ANKMY1: variants seen among roughly 807,000 people sequenced by gnomAD.
ANKMY1 encodes ankyrin repeat and MYND domain containing 1, also known as ankyrin repeat and MYND domain-containing protein 1.
In ANKMY1, 98 loss-of-function variants were observed where a neutral mutation model predicts 102.0. That is an observed-to-expected ratio of 0.96 (90% CI 0.82 to 1.14). The LOEUF is 1.14. Among genes scored for constraint, ANKMY1 ranks in the 50% most tolerant of loss-of-function variants. The probability of loss-of-function intolerance (pLI) is 0.00; values close to 1 mark genes in which losing one functional copy is unlikely to be tolerated. For synonymous variants in ANKMY1, 582 were observed against 559.9 expected (o/e 1.04, Z -0.56); for missense variants, 1,330 against 1,347.6 (o/e 0.99, Z 0.20).
chr2:240,477,896 G>A (rs2074961490), downstream of ANKMY1, among the ~76,000 whole-genome samples: 1 of 152,200 alleles, frequency 6.6e-6, no homozygotes, highest in Non-Finnish European at 1.5e-5. Flanking sequence ...GTAGAGATCA[G>A]AAGGACACAC....
At chr2:240,511,367 T>G (rs1175204124) in intron 11 of ANKMY1, among the ~76,000 whole-genome samples, 1 of 152,246 alleles carries the variant, frequency 6.6e-6, no homozygotes, top group Non-Finnish European at 1.5e-5. Context: ...AGACTTGGCC[T>G]CAGTTTCCCC....
In ANKMY1 at chr2:240,520,708, CACA is replaced by C. The variant is rs943118908; in HGVS notation, c.1833-178_1833-176del. Among the ~76,000 whole-genome samples the C allele has an allele frequency of 1.2e-4, 18 of 151,700 alleles. No individual in the cohort carries two copies. Among genetic ancestry groups the C allele is most frequent in the African/African-American group, 3.4e-4 (14 of 41,372 alleles). ...ACACACGCAGACACACCACACAGCA[CACA>C]ACTACACACAAGCCACACCAGAGCG... On this transcript the variant is annotated intron_variant, in intron 8 of 17. Transcript: ENST00000401804. This position sits in a 1 kb window ranked among gnomAD's most constrained non-coding sequence, Gnocchi z 4.8.
Position 240,512,793 on chromosome 2 carries a change from G to A in ANKMY1, c.2145+9C>T. ...CCCCATACCCCTATCCAGGTCGCGA[G>A]GTACACACCTTGCCGGGCTTGTAAG... On this transcript the variant is annotated intron_variant, in intron 10 of 17. Transcript: ENST00000401804. The A allele has an allele frequency of 6.2e-7, 1 of 1,612,672 alleles. No homozygotes were observed. Among genetic ancestry groups the A allele is most frequent in the East Asian group, 2.2e-5 (1 of 44,826 alleles).
chr2:240,525,562 G>T, intron 7 of ANKMY1, 123 bp downstream of exon 7: 1 of 1,269,190 alleles, frequency 7.9e-7, no homozygotes, highest in Non-Finnish European at 1.1e-6. Context: ...CCCACTCCCT[G>T]CCTTATAACT....
chr2:240,485,724 C>T (rs1021248721), intron 15 of ANKMY1, among the ~76,000 whole-genome samples: 14 of 151,994 alleles, frequency 9.2e-5, no homozygotes, highest in African/African-American at 3.1e-4. Context: ...TGAGTAACTG[C>T]GACTACAGGC....
At chr2:240,486,335 T>G (rs1332106156) in intron 15 of ANKMY1, among the ~76,000 whole-genome samples, 1 of 152,158 alleles carries the variant, frequency 6.6e-6, no homozygotes, top group African/African-American at 2.4e-5. Flanking sequence ...AATATATAAA[T>G]TCAATGCATA....
chr2:240,520,338 G>GCGCC lies in ANKMY1; in HGVS notation c.2004+20_2004+23dup, dbSNP rs765288562. The GCGCC allele has an allele frequency of 1.1e-5, 17 of 1,515,634 alleles. No individual in the cohort carries two copies. The East Asian group carries it at 3.9e-4, about 35-fold the overall frequency. 93.9% of individuals were successfully genotyped at this position (1,515,634 alleles called of 1,614,324 possible). ...CCGGGAGTCTGCTGCGCTCGTCCCG[G>GCGCC]CGCCCGCCCGCCGCGGCTCCTACCT... On this transcript the variant is annotated intron_variant, in intron 9 of 17. Transcript: ENST00000401804. This position sits in a 1 kb window ranked among gnomAD's most constrained non-coding sequence, Gnocchi z 4.8.
intron 3 of ANKMY1, 133 bp downstream of exon 3, chr2:240,554,733 G>T: frequency 9.6e-7 from 1 of 1,038,934 alleles, no homozygotes; most frequent in Non-Finnish European, 1.4e-6. Flanking sequence ...CATTTCTCAA[G>T]GAGGAAAAAC....
chr2:240,474,043 G>T, the ANKMY1 span, among the ~76,000 whole-genome samples: 3 of 152,116 alleles, frequency 2.0e-5, no homozygotes, highest in African/African-American at 7.2e-5. Context: ...GAAATAAAAG[G>T]CATCCACATC....
At chr2:240,540,393 C>A (rs977032674) in intron 4 of ANKMY1, among the ~76,000 whole-genome samples, 4 of 152,200 alleles carry the variant, frequency 2.6e-5, no homozygotes, top group Non-Finnish European at 4.4e-5. Flanking sequence ...AGGATAAACA[C>A]AGAAATTGAC....
Position 240,524,394 on chromosome 2 carries a change from C to A in ANKMY1, c.1336-13G>T, listed in dbSNP as rs1430238368. The A allele has an allele frequency of 2.0e-5, 31 of 1,572,746 alleles. No individual in the cohort carries two copies. In the Admixed American group the frequency reaches 3.0e-4, roughly 15 times the overall value. ...ATTTTGGAGGTTCCTTTGGAAAGAACCAAAAAAGTGTCATTAGAATAAATT... is the reference window on the plus strand; with the variant it reads ...ATTTTGGAGGTTCCTTTGGAAAGAAACAAAAAAGTGTCATTAGAATAAATT... On this transcript the variant is annotated splice_polypyrimidine_tract_variant and intron_variant, in intron 7 of 17. Transcript: ENST00000401804.
chr2:240,560,262 C>A (rs376352125), upstream of ANKMY1: 1 of 160,494 alleles, frequency 6.2e-6, no homozygotes, highest in South Asian at 1.9e-4. Flanking sequence ...GGGCCCTAGC[C>A]GAACGACGCG....
chr2:240,515,677 T>G (rs1232309580), intron 9 of ANKMY1, among the ~76,000 whole-genome samples: 1 of 152,102 alleles, frequency 6.6e-6, no homozygotes, highest in East Asian at 1.9e-4. Flanking sequence ...AGGGTAAAAT[T>G]TGTTTTTCTC....
chr2:240,525,817 G>A lies in ANKMY1; in HGVS notation c.1203C>T (p.Leu401=), dbSNP rs556129996. ...TGTTCACGTCGGCCCCACAGTCCAG[G>A]AGAAGGTTGACAATGTCGTTGTGGC... is the stretch of plus-strand genomic sequence containing the variant. ...THCHNDIVNL[L]LDCGADVNKC... The change falls in exon 7 of 18, where the codon CTC becomes CTT. Residue 401 remains leucine, a synonymous_variant. Coordinates refer to ENST00000401804, the MANE Select transcript of ANKMY1 (RefSeq NM_001282771.3). 8.1e-6 allele frequency: 13 copies of A among 1,614,148 alleles called. No homozygotes were observed. The African/African-American group carries it at 9.3e-5, about 12-fold the overall frequency.
At chr2:240,521,501 T>TTG (rs2082270598) in intron 8 of ANKMY1, among the ~76,000 whole-genome samples, 1 of 135,270 alleles carries the variant, frequency 7.4e-6, no homozygotes, top group South Asian at 2.6e-4. Flanking sequence ...CTTTTTTTTT[T>TTG]TTTTTTTTTT....
At chr2:240,516,571 A>C (rs1001857489) in intron 9 of ANKMY1, among the ~76,000 whole-genome samples, 1 of 152,234 alleles carries the variant, frequency 6.6e-6, no homozygotes, top group Non-Finnish European at 1.5e-5. Flanking sequence ...GAAATAACCA[A>C]ATTTCCTTGT....
chr2:240,533,868 G>T (rs190292161), intron 4 of ANKMY1, among the ~76,000 whole-genome samples: 1 of 152,160 alleles, frequency 6.6e-6, no homozygotes. Flanking sequence ...AGAGAAAGAC[G>T]CATCACAGGA....
intron 15 of ANKMY1, among the ~76,000 whole-genome samples, chr2:240,495,619 T>C (rs1018224335): frequency 6.6e-6 from 1 of 152,194 alleles, no homozygotes; most frequent in Non-Finnish European, 1.5e-5. Flanking sequence ...TCACACTCCT[T>C]ACCCTGCCCC....
chr2:240,538,834 A>G (rs1049289121), intron 4 of ANKMY1, among the ~76,000 whole-genome samples: 1 of 152,168 alleles, frequency 6.6e-6, no homozygotes, highest in Non-Finnish European at 1.5e-5. Context: ...AAGTGCACCA[A>G]TCAGCACTCT....
Sources: allele counts gnomAD v4.1 joint callset (sites outside exome capture counted in the v4.1 genomes callset), GRCh38; gene constraint gnomAD v4.1.1; non-coding constraint Gnocchi (gnomAD v3.1); transcripts MANE v1.5; gene names NCBI Gene and HGNC (gene_info 2026-07-23, HGNC 2026-07-21).